The following RANBP2 variants were observed in gnomAD, a reference collection of about 807,000 sequenced individuals.
RANBP2 encodes E3 SUMO-protein ligase RanBP2.
A neutral mutation model predicts 303.6 loss-of-function variants in RANBP2; 57 were observed. That is an observed-to-expected ratio of 0.19 (90% CI 0.15 to 0.23). RANBP2 has a LOEUF of 0.23. Among genes scored for constraint, RANBP2 ranks in the 10% least tolerant of loss-of-function variants. The pLI is 1.00. For synonymous variants in RANBP2, 1,167 were observed against 1,301.5 expected (o/e 0.90, Z 2.23); for missense variants, 3,138 against 3,780.8 (o/e 0.83, Z 4.46).
the RANBP2 span, among the ~76,000 whole-genome samples, chr2:109,152,527 C>T: frequency 3.9e-5 from 6 of 152,214 alleles, no homozygotes; most frequent in African/African-American, 1.4e-4. Context: ...CTGGAAACAA[C>T]GAAGTGTTTG....
the RANBP2 span, among the ~76,000 whole-genome samples, chr2:109,353,520 G>T: frequency 1.3e-5 from 2 of 152,222 alleles, no homozygotes; most frequent in Non-Finnish European, 2.9e-5. Context: ...ACATAGGGCA[G>T]CAAGGGGCGC....
At chr2:109,430,354 T>C in the RANBP2 span, among the ~76,000 whole-genome samples, 1 of 152,220 alleles carries the variant, frequency 6.6e-6, no homozygotes, top group African/African-American at 2.4e-5. Flanking sequence ...TTGTTACTGA[T>C]TCACAAGCCT....
chr2:109,628,171 C>G, the RANBP2 span, among the ~76,000 whole-genome samples: 763 of 152,230 alleles, frequency 5.0e-3, 6 homozygotes, highest in African/African-American at 0.018. Flanking sequence ...CTCCAGGCTA[C>G]TAAACCACTG....
chr2:109,695,093 T>G, the RANBP2 span, among the ~76,000 whole-genome samples: 1 of 152,234 alleles, frequency 6.6e-6, no homozygotes, highest in Non-Finnish European at 1.5e-5. Flanking sequence ...CAGAGAGTTT[T>G]AAAATTTCAT....
chr2:109,440,235 G>A, the RANBP2 span, among the ~76,000 whole-genome samples: 1 of 152,230 alleles, frequency 6.6e-6, no homozygotes, highest in Non-Finnish European at 1.5e-5. Context: ...TCTGAAAGGT[G>A]GGTAGAGCTC....
chr2:109,730,775 T>TC, the RANBP2 span, among the ~76,000 whole-genome samples: 2 of 129,350 alleles, frequency 1.5e-5, no homozygotes, highest in African/African-American at 6.1e-5. Flanking sequence ...TCTCTCTCTC[T>TC]CTTTTTTTTT....
the RANBP2 span, among the ~76,000 whole-genome samples, chr2:108,800,159 T>G: frequency 1.3e-5 from 2 of 152,322 alleles, no homozygotes; most frequent in African/African-American, 4.8e-5. Context: ...TAGGGTATAT[T>G]CAAGACCTTC....
the RANBP2 span, among the ~76,000 whole-genome samples, chr2:109,302,986 C>T: frequency 1.8e-4 from 28 of 152,274 alleles, no homozygotes; most frequent in Non-Finnish European, 3.8e-4. Flanking sequence ...AAGCGATTCT[C>T]CTGCCTCAGC....
chr2:108,821,237 A>C, the RANBP2 span, among the ~76,000 whole-genome samples: 1 of 152,122 alleles, frequency 6.6e-6, no homozygotes, highest in Non-Finnish European at 1.5e-5. Context: ...ACGTGCCTGT[A>C]ATCCCAGCTA....
chr2:108,828,410 A>G, the RANBP2 span, among the ~76,000 whole-genome samples: 2 of 152,328 alleles, frequency 1.3e-5, no homozygotes, highest in Middle Eastern at 3.4e-3. Context: ...AACAACCATA[A>G]AAAGAACAAA....
the RANBP2 span, among the ~76,000 whole-genome samples, chr2:109,268,026 G>A: frequency 6.6e-6 from 1 of 151,902 alleles, no homozygotes; most frequent in African/African-American, 2.4e-5. Flanking sequence ...TGGACTCTGT[G>A]TCCAGTCCTT....
At chr2:108,896,716 G>A in the RANBP2 span, 29 of 616,810 alleles carry the variant, frequency 4.7e-5, no homozygotes, top group Non-Finnish European at 7.6e-5. Context: ...AAGTATCCCG[G>A]CTCTAGTCCT....
the RANBP2 span, among the ~76,000 whole-genome samples, chr2:109,692,631 C>T: frequency 5.3e-5 from 8 of 151,966 alleles, no homozygotes; most frequent in Non-Finnish European, 1.2e-4. Flanking sequence ...GGAGGGAGGC[C>T]CACTTCCCCA....
chr2:109,690,768 G>A, the RANBP2 span, among the ~76,000 whole-genome samples: 1 of 152,110 alleles, frequency 6.6e-6, no homozygotes, highest in Non-Finnish European at 1.5e-5. Context: ...GGGCAGGGCT[G>A]GGGGTGGGGT....
At chr2:109,591,971 C>T in the RANBP2 span, among the ~76,000 whole-genome samples, 1 of 152,116 alleles carries the variant, frequency 6.6e-6, no homozygotes, top group Non-Finnish European at 1.5e-5. Flanking sequence ...TTTCTAGTTA[C>T]TCACCTCTTT....
At chr2:109,019,297 T>C in the RANBP2 span, among the ~76,000 whole-genome samples, 1 of 152,180 alleles carries the variant, frequency 6.6e-6, no homozygotes, top group Non-Finnish European at 1.5e-5. Flanking sequence ...GCTGGTGCTG[T>C]TGTTGTGTGT....
At chr2:108,775,123 A>G (rs1433503043) in intron 23 of RANBP2, among the ~76,000 whole-genome samples, 1 of 151,994 alleles carries the variant, frequency 6.6e-6, no homozygotes, top group Non-Finnish European at 1.5e-5. Flanking sequence ...AATATGTGAT[A>G]TTTTCTCTTT....
the RANBP2 span, among the ~76,000 whole-genome samples, chr2:109,406,934 C>T: frequency 6.6e-6 from 1 of 152,254 alleles, no homozygotes; most frequent in South Asian, 2.1e-4. Flanking sequence ...CCAGGTGCCA[C>T]TTCCCTGCAA....
At chr2:108,908,793 T>TA in the RANBP2 span, among the ~76,000 whole-genome samples, 3 of 152,156 alleles carry the variant, frequency 2.0e-5, no homozygotes, top group Non-Finnish European at 4.4e-5. Context: ...CTTTTTTTCT[T>TA]AAAAAAAGGA....
Sources: gnomAD v4.1 joint callset for allele counts (sites outside exome capture counted in the v4.1 genomes callset) on GRCh38, gnomAD v4.1.1 for gene constraint, MANE v1.5 for transcripts, NCBI Gene and HGNC (gene_info 2026-07-23, HGNC 2026-07-21) for gene names.